The following KDM4B variants were observed in gnomAD, a reference collection of about 807,000 sequenced individuals.
KDM4B encodes lysine demethylase 4B, also known as lysine-specific demethylase 4B.
In KDM4B, 32 loss-of-function variants were observed where a neutral mutation model predicts 125.2. The ratio of observed to expected loss-of-function variants is 0.26; its 90% confidence interval spans 0.19 to 0.34. The LOEUF is 0.34. Among genes scored for constraint, KDM4B ranks in the 10% least tolerant of loss-of-function variants. The probability of loss-of-function intolerance (pLI) is 1.00; values close to 1 mark genes in which losing one functional copy is unlikely to be tolerated. For synonymous variants in KDM4B, 721 were observed against 677.9 expected, an observed-to-expected ratio of 1.06 and a Z score of -0.99; for missense variants, 1,190 against 1,577.7, an observed-to-expected ratio of 0.75 and a Z score of 4.16.
chr19:4,976,424 T>G (rs1352752249), intron 1 of KDM4B, among the ~76,000 whole-genome samples: 2 of 152,142 alleles, frequency 1.3e-5, no homozygotes, highest in Non-Finnish European at 2.9e-5. Context: ...CCAGACTCTC[T>G]TGCTCTGGGA....
intron 11 of KDM4B, among the ~76,000 whole-genome samples, chr19:5,128,775 C>T (rs2039491948): frequency 6.6e-6 from 1 of 151,724 alleles, no homozygotes; most frequent in Non-Finnish European, 1.5e-5. Context: ...TATTTCTTCC[C>T]ACGCCAGCCT....
intron 14 of KDM4B, 42 bp downstream of exon 14, chr19:5,134,103 G>A: frequency 6.5e-7 from 1 of 1,543,684 alleles, no homozygotes; most frequent in Non-Finnish European, 8.7e-7. Context: ...ACCCCAGGCA[G>A]GGGCGGTGGG....
intron 1 of KDM4B, among the ~76,000 whole-genome samples, chr19:4,977,584 A>C (rs921456095): frequency 2.0e-5 from 3 of 152,200 alleles, no homozygotes; most frequent in Non-Finnish European, 4.4e-5. Context: ...CCTAGTCTCC[A>C]GGGAGAGAGC....
chr19:5,109,029 A>C (rs543643667), intron 9 of KDM4B, among the ~76,000 whole-genome samples: 1 of 152,184 alleles, frequency 6.6e-6, no homozygotes, highest in South Asian at 2.1e-4. Context: ...CCGCAGGTCA[A>C]CTCTGTCCCT....
Position 5,048,203 on chromosome 19 carries a change from G to A in KDM4B, c.626+534G>A, listed in dbSNP as rs377052352. ...CCTGCCCCTGCCCGGGAGGTGCCGG[G>A]TGCAGCGTGGGCGCTGCTGTGGCGG... On this transcript the variant is annotated intron_variant, in intron 6 of 22. Transcript: ENST00000159111. 1.6e-4 allele frequency among the ~76,000 whole-genome samples: 24 copies of A among 152,348 alleles called. No homozygotes were observed. In the East Asian group the frequency reaches 3.3e-3, roughly 21 times the overall value.
chr19:5,030,912 A>G (rs1466532689), intron 2 of KDM4B, among the ~76,000 whole-genome samples: 2 of 152,190 alleles, frequency 1.3e-5, no homozygotes, highest in Non-Finnish European at 2.9e-5. Flanking sequence ...CCGGCCTCTG[A>G]GGGCTGGGGA....
At chr19:5,045,376 C>G (rs263046) in intron 5 of KDM4B, among the ~76,000 whole-genome samples, 11,177 of 151,990 alleles carry the variant, frequency 0.074, 1,327 homozygotes, top group African/African-American at 0.25. Context: ...TGTCTTTTGC[C>G]CAGTTTGTTG....
chr19:5,054,499 T>C (rs710956), intron 6 of KDM4B, among the ~76,000 whole-genome samples: 89,835 of 151,750 alleles, frequency 0.59, 26,990 homozygotes, highest in East Asian at 0.94. Flanking sequence ...TGCGCGCGCA[T>C]GCACATGCGT....
intron 1 of KDM4B, among the ~76,000 whole-genome samples, chr19:4,976,974 G>T (rs635271): frequency 0.3 from 44,882 of 151,970 alleles, 7,262 homozygotes; most frequent in East Asian, 0.69. Context: ...ATCTGGAGAG[G>T]CTTGCTCAGA....
intron 9 of KDM4B, among the ~76,000 whole-genome samples, chr19:5,094,777 G>A (rs565117548): frequency 2.6e-5 from 4 of 152,306 alleles, no homozygotes; most frequent in Admixed American, 2.0e-4. Context: ...CGGGCCACAC[G>A]TAGCACCGTA....
At chr19:5,013,886 C>T (rs2035807364) in intron 1 of KDM4B, among the ~76,000 whole-genome samples, 1 of 152,232 alleles carries the variant, frequency 6.6e-6, no homozygotes, top group South Asian at 2.1e-4. Context: ...CAGTTGGTGA[C>T]AGTGTCGGGT....
intron 6 of KDM4B, among the ~76,000 whole-genome samples, chr19:5,055,004 TG>T (rs1399315582): frequency 6.6e-6 from 1 of 152,240 alleles, no homozygotes; most frequent in Non-Finnish European, 1.5e-5. Context: ...AGCCTCACAC[TG>T]GGGCGTCCAC....
At chr19:4,990,680 C>A (rs1346404401) in intron 1 of KDM4B, among the ~76,000 whole-genome samples, 1 of 152,222 alleles carries the variant, frequency 6.6e-6, no homozygotes, top group Non-Finnish European at 1.5e-5. Context: ...CTGGTCGCCT[C>A]TCCGGCCTTT....
chr19:5,062,787 T>G (rs1025705534), intron 6 of KDM4B, among the ~76,000 whole-genome samples: 31 of 148,320 alleles, frequency 2.1e-4, no homozygotes, highest in Admixed American at 1.5e-3. Flanking sequence ...TTTTTTTTTT[T>G]TTTTTTTTTT....
At chr19:5,135,923 C>A (rs1347908856) in intron 15 of KDM4B, among the ~76,000 whole-genome samples, 2 of 152,204 alleles carry the variant, frequency 1.3e-5, no homozygotes, top group Non-Finnish European at 2.9e-5. Flanking sequence ...AGCCTCTGCT[C>A]CAAGGGGCAC....
At chr19:5,015,909 T>C (rs144144922) in intron 1 of KDM4B, among the ~76,000 whole-genome samples, 90 of 152,288 alleles carry the variant, frequency 5.9e-4, no homozygotes, top group African/African-American at 2.1e-3. Context: ...TTTCTGCACT[T>C]TTCCCCTTGG....
intron 1 of KDM4B, among the ~76,000 whole-genome samples, chr19:4,996,540 A>AT (rs35219542): frequency 0.098 from 13,952 of 142,030 alleles, 769 homozygotes; most frequent in Middle Eastern, 0.27. Context: ...CATCTGGCTA[A>AT]TTTTTTTTTT....
At position 5,114,463 on chromosome 19, in the gene KDM4B, GAGCCCTCCCCACCAACAGGGACCTC is replaced by G. The variant is rs1183569805; in HGVS notation, c.1115+3653_1115+3677del. The stretch of plus-strand genomic sequence containing the variant: ...GCTGCCACACCCCAGCTGCATTCCT[GAGCCCTCCCCACCAACAGGGACCTC>G]AGCCCTCAGGGACAGAACCTCACGA... On this transcript the variant is annotated intron_variant, in intron 10 of 22. Coordinates refer to ENST00000159111, the MANE Select transcript of KDM4B (RefSeq NM_015015.3). This position sits in a 1 kb window ranked among gnomAD's most constrained non-coding sequence, Gnocchi z 5.8. The G allele has an allele frequency of 5.2e-6, 2 of 386,478 alleles. No individual in the cohort carries two copies. Among genetic ancestry groups the G allele is most frequent in the Non-Finnish European group, 1.0e-5 (2 of 190,516 alleles). The allele number at this position is 386,478 out of a possible 1,614,324, so 23.9% of individuals were successfully genotyped here.
intron 1 of KDM4B, among the ~76,000 whole-genome samples, chr19:5,009,481 G>A (rs1599404810): frequency 3.3e-5 from 5 of 152,090 alleles, no homozygotes; most frequent in South Asian, 4.1e-4. Context: ...GCTCTTTCAC[G>A]GCCTGACTCT....
Sources: gnomAD v4.1 joint callset for allele counts (sites outside exome capture counted in the v4.1 genomes callset) on GRCh38, gnomAD v4.1.1 for gene constraint, Gnocchi (gnomAD v3.1) non-coding constraint, MANE v1.5 for transcripts, NCBI Gene and HGNC (gene_info 2026-07-23, HGNC 2026-07-21) for gene names.